The following SLC44A5 variants were observed in gnomAD, a reference collection of about 807,000 sequenced individuals.
SLC44A5 encodes the protein solute carrier family 44 member 5.
In SLC44A5, 57 loss-of-function variants were observed where a neutral mutation model predicts 101.8. The observed-to-expected ratio is 0.56, with a 90% CI of 0.45 to 0.70. The LOEUF is 0.70. Ranked by LOEUF, SLC44A5 falls within the 30% of genes least tolerant of loss-of-function variation. The pLI is 0.00. For synonymous variants in SLC44A5, 281 were observed against 290.9 expected (o/e 0.97, Z 0.35); for missense variants, 737 against 853.1 (o/e 0.86, Z 1.70).
chr1:75,599,480 G>A (rs1262166687), intron 1 of SLC44A5, among the ~76,000 whole-genome samples: 1 of 152,152 alleles, frequency 6.6e-6, no homozygotes, highest in Non-Finnish European at 1.5e-5. Flanking sequence ...CAGAAGTAGG[G>A]CTGAAGACCC....
intron 4 of SLC44A5, among the ~76,000 whole-genome samples, chr1:75,310,838 G>A (rs965288226): frequency 6.6e-6 from 1 of 151,970 alleles, no homozygotes; most frequent in Non-Finnish European, 1.5e-5. Context: ...ATCAGTAACA[G>A]CAAAATAGCA....
intron 12 of SLC44A5, among the ~76,000 whole-genome samples, chr1:75,233,302 A>G (rs1404535502): frequency 6.6e-6 from 1 of 152,118 alleles, no homozygotes; most frequent in South Asian, 2.1e-4. Context: ...CACCTGAATG[A>G]CATGCATTGT....
chr1:75,250,597 C>A (rs1357530744), intron 7 of SLC44A5, among the ~76,000 whole-genome samples: 1 of 152,104 alleles, frequency 6.6e-6, no homozygotes, highest in African/African-American at 2.4e-5. Context: ...CAGTTTGTGT[C>A]TGTGGCATAT....
intron 3 of SLC44A5, among the ~76,000 whole-genome samples, chr1:75,394,861 G>T (rs1039674466): frequency 2.6e-4 from 39 of 152,018 alleles, no homozygotes; most frequent in Non-Finnish European, 7.4e-5. Flanking sequence ...TGAATACTGA[G>T]TGCACCCCAG....
intron 1 of SLC44A5, among the ~76,000 whole-genome samples, chr1:75,604,356 T>C (rs953569303): frequency 1.3e-5 from 2 of 152,178 alleles, no homozygotes; most frequent in African/African-American, 4.8e-5. Context: ...TTCTTTCTTC[T>C]GTTCCATTGG....
intron 4 of SLC44A5, among the ~76,000 whole-genome samples, chr1:75,337,936 T>C (rs74094251): frequency 0.011 from 1,655 of 152,324 alleles, 37 homozygotes; most frequent in African/African-American, 0.038. Flanking sequence ...AAGGTGTTAT[T>C]AAAGCCAGTC....
chr1:75,534,091 C>A (rs951492268), intron 2 of SLC44A5, among the ~76,000 whole-genome samples: 8 of 152,288 alleles, frequency 5.3e-5, no homozygotes, highest in Admixed American at 2.0e-4. Context: ...CCATGCAGTA[C>A]TCGAGACAGG....
chr1:75,656,761 A>T, the SLC44A5 span, among the ~76,000 whole-genome samples: 1 of 152,226 alleles, frequency 6.6e-6, no homozygotes, highest in Non-Finnish European at 1.5e-5. Flanking sequence ...AAAAGAAAGG[A>T]GGAGAGAAAT....
chr1:75,403,337 C>G (rs183048665), intron 2 of SLC44A5, among the ~76,000 whole-genome samples: 1 of 152,180 alleles, frequency 6.6e-6, no homozygotes, highest in East Asian at 1.9e-4. Flanking sequence ...GCACAGGGCT[C>G]GATCTCTGCT....
chr1:75,305,416 A>T (rs535133843), intron 4 of SLC44A5, among the ~76,000 whole-genome samples: 13 of 152,332 alleles, frequency 8.5e-5, no homozygotes, highest in African/African-American at 2.9e-4. Context: ...TATTACTGAT[A>T]TGTGATGAGT....
chr1:75,631,539 ATTTTTTTT>A, the SLC44A5 span, among the ~76,000 whole-genome samples: 2 of 80,834 alleles, frequency 2.5e-5, no homozygotes, highest in East Asian at 4.0e-4. Flanking sequence ...CACCTGGCTA[ATTTTTTTT>A]TTTTTTTTTT....
chr1:75,225,271 G>T (rs1313306360), intron 13 of SLC44A5, among the ~76,000 whole-genome samples: 1 of 152,124 alleles, frequency 6.6e-6, no homozygotes, highest in Non-Finnish European at 1.5e-5. Flanking sequence ...TGTAGACTAG[G>T]AGCAATAGGC....
chr1:75,603,616 A>C (rs904358885), intron 1 of SLC44A5, among the ~76,000 whole-genome samples: 2 of 151,968 alleles, frequency 1.3e-5, no homozygotes, highest in African/African-American at 4.8e-5. Context: ...TATGCTTATA[A>C]GCATTCCCAT....
intron 4 of SLC44A5, among the ~76,000 whole-genome samples, chr1:75,330,160 T>TATATATACGTATATATGCAC (rs1448177993): frequency 8.1e-6 from 1 of 123,614 alleles, no homozygotes; most frequent in Non-Finnish European, 1.7e-5. Flanking sequence ...CGTATATGCA[T>TATATATACGTATATATGCAC]ATATATACGT....
chr1:75,353,219 C>T (rs992520903), intron 3 of SLC44A5, among the ~76,000 whole-genome samples: 87 of 152,314 alleles, frequency 5.7e-4, no homozygotes, highest in African/African-American at 2.1e-3. Context: ...AGCAATATTA[C>T]TTCAAAGACT....
At chr1:75,494,613 T>C (rs937658923) in intron 2 of SLC44A5, among the ~76,000 whole-genome samples, 1 of 152,272 alleles carries the variant, frequency 6.6e-6, no homozygotes, top group East Asian at 1.9e-4. Flanking sequence ...CTGTCTAGTA[T>C]CCCAACTTTT....
chr1:75,469,148 T>G (rs1486275899), intron 2 of SLC44A5, among the ~76,000 whole-genome samples: 1 of 152,192 alleles, frequency 6.6e-6, no homozygotes, highest in Non-Finnish European at 1.5e-5. Context: ...ATAAATTCAT[T>G]TATTTGAGAT....
intron 12 of SLC44A5, 120 bp downstream of exon 12, chr1:75,233,866 T>C: frequency 1.3e-6 from 1 of 741,336 alleles, no homozygotes; most frequent in Non-Finnish European, 2.2e-6. Flanking sequence ...TTAAAGCTTT[T>C]TTGAGGGTAA....
At chr1:75,697,894 T>C in the SLC44A5 span, among the ~76,000 whole-genome samples, 1 of 152,210 alleles carries the variant, frequency 6.6e-6, no homozygotes, top group African/African-American at 2.4e-5. Context: ...GAGTGACAGA[T>C]GGCACCTGGA....
Sources: gnomAD v4.1 joint callset for allele counts (sites outside exome capture counted in the v4.1 genomes callset) on GRCh38, gnomAD v4.1.1 for gene constraint, MANE v1.5 for transcripts, NCBI Gene and HGNC (gene_info 2026-07-23, HGNC 2026-07-21) for gene names.